FAM114A1: variants seen among roughly 807,000 people sequenced by gnomAD.
FAM114A1 encodes the protein protein NOXP20.
In FAM114A1, 62 loss-of-function variants were observed where a neutral mutation model predicts 64.3. The observed-to-expected ratio is 0.96, with a 90% CI of 0.79 to 1.19. The LOEUF (loss-of-function observed/expected upper bound fraction) is 1.19, where lower values mean the gene tolerates loss of function less well. FAM114A1 is among the 50% of genes most tolerant of loss of function. The pLI is 0.00. For missense variants in FAM114A1, 645 were observed against 676.3 expected (o/e 0.95, Z 0.51); for synonymous variants, 254 against 251.1 (o/e 1.01, Z -0.11).
intron 2 of FAM114A1, among the ~76,000 whole-genome samples, chr4:38,877,427 C>T (rs917072870): frequency 2.6e-5 from 4 of 152,086 alleles, no homozygotes; most frequent in Admixed American, 6.6e-5. Flanking sequence ...ATCCCTCACA[C>T]GTGCAGTTCA....
At chr4:38,940,556 A>G (rs1420653837) in intron 13 of FAM114A1, among the ~76,000 whole-genome samples, 1 of 152,200 alleles carries the variant, frequency 6.6e-6, no homozygotes, top group Non-Finnish European at 1.5e-5. Flanking sequence ...ATGATCATCA[A>G]AATATCAAAA....
chr4:38,905,469 T>A (rs1430360335), intron 4 of FAM114A1, 53 bp from the exon 5 acceptor site: 1 of 1,291,674 alleles, frequency 7.7e-7, no homozygotes, highest in African/African-American at 1.5e-5. Context: ...GTGGAGGATT[T>A]GCAGACCGTG....
chr4:38,932,285 T>TTC lies in FAM114A1; in HGVS notation c.1374_1375insTC (p.Ile459SerfsTer8). The TTC allele has an allele frequency of 6.2e-7, 1 of 1,613,942 alleles. No individual in the cohort carries two copies. The highest frequency in any genetic ancestry group is 8.5e-7 in the Non-Finnish European group (1 of 1,179,982). ...GTCTGGCGGAGGTAACAGCGCGCTG[T>TTC]ATTGAGCAGCTTCATAAAGTAGCAG... On this transcript the variant is annotated frameshift_variant, in exon 12 of 15. Transcript: ENST00000358869. LOFTEE classifies it high-confidence loss of function.
rs928676549 is a variant in FAM114A1 at position 38,944,538 on chromosome 4, A to T, written c.*981A>T. The T allele has an allele frequency of 6.6e-6, 1 of 152,104 alleles. No homozygotes were observed. Among genetic ancestry groups the T allele is most frequent in the African/African-American group, 2.4e-5 (1 of 41,388 alleles). 9.4% of individuals were successfully genotyped at this position (152,104 alleles called of 1,614,324 possible). On this transcript the variant is annotated 3_prime_UTR_variant, in exon 15 of 15. Coordinates refer to ENST00000358869, the MANE Select transcript of FAM114A1 (RefSeq NM_138389.4). ...CCACAGACCAGTACCAGTCCGTGGC[A>T]CTGGTTAGGAACCAGGCCACACAGC... is the stretch of plus-strand genomic sequence containing the variant.
At chr4:38,900,902 AGGAAAAGTTAAGGT>A (rs1717449750) in intron 4 of FAM114A1, among the ~76,000 whole-genome samples, 1 of 151,944 alleles carries the variant, frequency 6.6e-6, no homozygotes, top group Non-Finnish European at 1.5e-5. Flanking sequence ...CTATTCAGGT[AGGAAAAGTTAAGGT>A]GGTAAAATGC....
chr4:38,885,882 G>A (rs927728076), intron 3 of FAM114A1, among the ~76,000 whole-genome samples: 1 of 152,082 alleles, frequency 6.6e-6, no homozygotes, highest in Admixed American at 6.6e-5. Flanking sequence ...GCATGTAGAA[G>A]CATTCTAATG....
Position 38,908,672 on chromosome 4 carries a change from C to T in FAM114A1, c.738C>T (p.Asp246=), listed in dbSNP as rs1341923689. 2.5e-6 allele frequency: 4 copies of T among 1,613,262 alleles called. No homozygotes were observed. The highest frequency in any genetic ancestry group is 2.2e-5 in the South Asian group (2 of 90,950). ...CCATGAATGTCCTTGCAGAAAGTGA[C>T]CCGGGCTTTAAGCGGACCAAGACGC... ...KKTMNVLAES[D]PGFKRTKTLM... The change falls in exon 7 of 15, where the codon GAC becomes GAT. Residue 246 remains aspartate, a synonymous_variant. Transcript: ENST00000358869.
At chr4:38,867,957 G>T in intron 1 of FAM114A1, 123 bp downstream of exon 1, 1 of 318,892 alleles carries the variant, frequency 3.1e-6, no homozygotes, top group Non-Finnish European at 6.6e-6. Context: ...CACGAATCCT[G>T]CCCTCTGCGT....
chr4:38,868,755 A>T (rs1228840207), intron 2 of FAM114A1, among the ~76,000 whole-genome samples: 1 of 152,194 alleles, frequency 6.6e-6, no homozygotes, highest in Non-Finnish European at 1.5e-5. Context: ...ACCTGTGACA[A>T]CTGAGAATGA....
intron 4 of FAM114A1, among the ~76,000 whole-genome samples, chr4:38,899,172 A>G (rs1182021430): frequency 6.6e-6 from 1 of 152,024 alleles, no homozygotes; most frequent in African/African-American, 2.4e-5. Context: ...TTTACTGTGA[A>G]GTGCTTTCTG....
chr4:38,934,404 TG>T (rs991990399), intron 12 of FAM114A1, among the ~76,000 whole-genome samples: 2 of 152,076 alleles, frequency 1.3e-5, no homozygotes, highest in African/African-American at 4.8e-5. Flanking sequence ...TTTGGATGGA[TG>T]GGTGGGTGGG....
At chr4:38,927,170 C>A (rs1720196352) in intron 9 of FAM114A1, among the ~76,000 whole-genome samples, 1 of 152,232 alleles carries the variant, frequency 6.6e-6, no homozygotes, top group African/African-American at 2.4e-5. Flanking sequence ...TTGCTCTCCT[C>A]CTCTAGCACA....
chr4:38,925,847 A>G (rs1411654370), intron 9 of FAM114A1, among the ~76,000 whole-genome samples: 1 of 150,558 alleles, frequency 6.6e-6, no homozygotes, highest in Admixed American at 6.6e-5. Flanking sequence ...ATCTGTTTTT[A>G]TCAACCTCCA....
At chr4:38,942,558 T>C (rs930311019) in intron 14 of FAM114A1, among the ~76,000 whole-genome samples, 41 of 152,196 alleles carry the variant, frequency 2.7e-4, no homozygotes, top group Non-Finnish European at 2.9e-4. Flanking sequence ...GTTTCCCCAA[T>C]AGATGTTTTC....
chr4:38,943,351 C>A, intron 14 of FAM114A1, 105 bp from the exon 15 acceptor site: 1 of 834,988 alleles, frequency 1.2e-6, no homozygotes, highest in Non-Finnish European at 1.8e-6. Context: ...AAATATAATC[C>A]AATATGGGGG....
intron 3 of FAM114A1, 110 bp from the exon 4 acceptor site, chr4:38,891,633 G>A (rs139292965): frequency 4.7e-5 from 41 of 874,540 alleles, no homozygotes; most frequent in East Asian, 1.3e-4. Context: ...AATTAGATAC[G>A]GTTGTTGGTG....
At chr4:38,875,186 A>C (rs185861565) in intron 2 of FAM114A1, among the ~76,000 whole-genome samples, 7,008 of 138,666 alleles carry the variant, frequency 0.051, 260 homozygotes, top group African/African-American at 0.11. Context: ...TGAATTTTAG[A>C]ATATTTTTTT....
At chr4:38,908,877 A>G in intron 7 of FAM114A1, 151 bp downstream of exon 7, 1 of 782,858 alleles carries the variant, frequency 1.3e-6, no homozygotes, top group Non-Finnish European at 1.9e-6. Flanking sequence ...TAATACCCCC[A>G]TTTCCCCAGT....
chr4:38,907,634 G>A (rs533591124), intron 6 of FAM114A1, among the ~76,000 whole-genome samples: 1 of 152,088 alleles, frequency 6.6e-6, no homozygotes, highest in South Asian at 2.1e-4. Context: ...TAAAAACAAA[G>A]TCTAAATACC....
Sources: allele counts gnomAD v4.1 joint callset (sites outside exome capture counted in the v4.1 genomes callset), GRCh38; gene constraint gnomAD v4.1.1; transcripts MANE v1.5; gene names NCBI Gene and HGNC (gene_info 2026-07-23, HGNC 2026-07-21).